CACNA2D3: variants seen among roughly 807,000 people sequenced by gnomAD.
CACNA2D3 encodes the protein calcium voltage-gated channel auxiliary subunit alpha2delta 3.
A neutral mutation model predicts 160.6 loss-of-function variants in CACNA2D3; 60 were observed. The observed-to-expected ratio is 0.37, with a 90% confidence interval of 0.30 to 0.46. The LOEUF (loss-of-function observed/expected upper bound fraction) is 0.46, where lower values mean the gene tolerates loss of function less well. Among genes scored for constraint, CACNA2D3 ranks in the 20% least tolerant of loss-of-function variants. CACNA2D3 has a pLI of 1.00. For missense variants in CACNA2D3, 1,205 were observed against 1,365.0 expected (o/e 0.88, Z 1.85); for synonymous variants, 558 against 492.9 (o/e 1.13, Z -1.75).
At chr3:54,376,182 G>T (rs933839415) in intron 3 of CACNA2D3, among the ~76,000 whole-genome samples, 1 of 151,994 alleles carries the variant, frequency 6.6e-6, no homozygotes, top group East Asian at 1.9e-4. Flanking sequence ...CTGCCCTTTT[G>T]CACTCTTCCC....
At chr3:54,444,665 C>T (rs1700193559) in intron 4 of CACNA2D3, among the ~76,000 whole-genome samples, 1 of 152,172 alleles carries the variant, frequency 6.6e-6, no homozygotes. Context: ...TAGAGGCACA[C>T]TCAGAGCTGC....
At chr3:54,620,896 A>C (rs1698971840) in intron 9 of CACNA2D3, among the ~76,000 whole-genome samples, 1 of 152,236 alleles carries the variant, frequency 6.6e-6, no homozygotes, top group Non-Finnish European at 1.5e-5. Flanking sequence ...AAAGTAATGT[A>C]CAAAAAGCAC....
chr3:54,687,030 A>C (rs1345617065), intron 11 of CACNA2D3, among the ~76,000 whole-genome samples: 1 of 151,382 alleles, frequency 6.6e-6, no homozygotes, highest in East Asian at 2.0e-4. Flanking sequence ...GGAAGCTTGG[A>C]TATATGGTCT....
intron 14 of CACNA2D3, among the ~76,000 whole-genome samples, chr3:54,822,804 TTTCTTTC>T (rs1703659101): frequency 8.9e-6 from 1 of 112,784 alleles, no homozygotes; most frequent in African/African-American, 4.3e-5. Flanking sequence ...TCTTTCTTTC[TTTCTTTC>T]TTTCTTTCTT....
chr3:54,977,893 C>T (rs1164377814), intron 29 of CACNA2D3, among the ~76,000 whole-genome samples: 1 of 152,126 alleles, frequency 6.6e-6, no homozygotes, highest in African/African-American at 2.4e-5. Context: ...AGAGCAGCCT[C>T]GAGGGCTGCT....
At chr3:55,049,752 G>A (rs926220412) in intron 35 of CACNA2D3, among the ~76,000 whole-genome samples, 1 of 149,322 alleles carries the variant, frequency 6.7e-6, no homozygotes, top group Non-Finnish European at 1.5e-5. Context: ...CTCTTTGTAG[G>A]TCACTGAGGA....
At chr3:54,284,726 T>G (rs1225852347) in intron 2 of CACNA2D3, among the ~76,000 whole-genome samples, 2 of 152,200 alleles carry the variant, frequency 1.3e-5, no homozygotes, top group East Asian at 3.8e-4. Flanking sequence ...AATTACCTGC[T>G]GCAATAATTT....
chr3:54,760,104 C>T (rs553088730), intron 12 of CACNA2D3, among the ~76,000 whole-genome samples: 16 of 152,238 alleles, frequency 1.1e-4, no homozygotes, highest in African/African-American at 3.6e-4. Context: ...TGAATCATTT[C>T]GTGGAGCTAA....
chr3:54,739,753 GTGTGTGT>G (rs1701608580), intron 11 of CACNA2D3, among the ~76,000 whole-genome samples: 1 of 2,682 alleles, frequency 3.7e-4, no homozygotes, highest in Non-Finnish European at 0.01. Context: ...CCTCATATAT[GTGTGTGT>G]GTGTGTGTGT....
intron 27 of CACNA2D3, among the ~76,000 whole-genome samples, chr3:54,944,994 T>C (rs1007243798): frequency 2.0e-5 from 3 of 152,338 alleles, no homozygotes; most frequent in Non-Finnish European, 4.4e-5. Flanking sequence ...AAATAGACTT[T>C]ACTATTGGGT....
At chr3:54,928,842 C>T (rs1701105572) in intron 27 of CACNA2D3, among the ~76,000 whole-genome samples, 1 of 152,038 alleles carries the variant, frequency 6.6e-6, no homozygotes, top group Admixed American at 6.6e-5. Flanking sequence ...ACAATAAAGC[C>T]GCCCCCTGTG....
intron 2 of CACNA2D3, among the ~76,000 whole-genome samples, chr3:54,207,950 T>G (rs959073352): frequency 6.6e-6 from 1 of 152,172 alleles, no homozygotes; most frequent in Non-Finnish European, 1.5e-5. Context: ...TGAATCCACA[T>G]CCCCTGCCAC....
At chr3:54,863,382 A>G (rs1300943129) in intron 17 of CACNA2D3, among the ~76,000 whole-genome samples, 2 of 152,126 alleles carry the variant, frequency 1.3e-5, no homozygotes, top group Non-Finnish European at 2.9e-5. Context: ...TCCTTTGCCT[A>G]CAGCAGAGGT....
chr3:54,464,470 G>T (rs1700574111), intron 4 of CACNA2D3, among the ~76,000 whole-genome samples: 1 of 152,242 alleles, frequency 6.6e-6, no homozygotes, highest in Non-Finnish European at 1.5e-5. Flanking sequence ...AAGCAAGCCT[G>T]GGCAATGGCG....
chr3:54,588,923 T>C (rs1253618548), intron 9 of CACNA2D3, among the ~76,000 whole-genome samples: 1 of 151,252 alleles, frequency 6.6e-6, no homozygotes, highest in Non-Finnish European at 1.5e-5. Context: ...ATATTTAATA[T>C]TAATATGTAG....
At chr3:54,437,378 A>T (rs909467986) in intron 4 of CACNA2D3, among the ~76,000 whole-genome samples, 1 of 152,046 alleles carries the variant, frequency 6.6e-6, no homozygotes, top group Non-Finnish European at 1.5e-5. Context: ...CCTTCATTCC[A>T]TGTGTGTGTT....
At chr3:54,793,885 C>G (rs750136908) in intron 13 of CACNA2D3, among the ~76,000 whole-genome samples, 26 of 152,054 alleles carry the variant, frequency 1.7e-4, no homozygotes, top group Non-Finnish European at 2.9e-5. Flanking sequence ...GTTCCTCATT[C>G]CAAATTCATT....
Position 54,610,671 on chromosome 3 carries a change from T to A in CACNA2D3, c.964-17116T>A, listed in dbSNP as rs1383835355. 3.3e-5 allele frequency among the ~76,000 whole-genome samples: 5 copies of A among 152,130 alleles called. No individual in the cohort carries two copies. The East Asian group carries it at 9.6e-4, about 29-fold the overall frequency. Reference sequence around the variant, plus strand: ...GGAGTTTCACTCTCGTCACCCAGGCTGGAGTGCAGTGGCATGATCTTGACT... The same window carrying A: ...GGAGTTTCACTCTCGTCACCCAGGCAGGAGTGCAGTGGCATGATCTTGACT... On this transcript the variant is annotated intron_variant, in intron 9 of 37. Transcript: ENST00000474759.
At chr3:54,755,809 T>C (rs1301238866) in intron 12 of CACNA2D3, among the ~76,000 whole-genome samples, 2 of 152,170 alleles carry the variant, frequency 1.3e-5, no homozygotes, top group Admixed American at 1.3e-4. Flanking sequence ...TTCCTTTCCA[T>C]TTTTTAATTT....
Sources: gnomAD v4.1 joint callset for allele counts (sites outside exome capture counted in the v4.1 genomes callset) on GRCh38, gnomAD v4.1.1 for gene constraint, MANE v1.5 for transcripts, NCBI Gene and HGNC (gene_info 2026-07-23, HGNC 2026-07-21) for gene names.